COL23A1: variants seen among roughly 807,000 people sequenced by gnomAD.
COL23A1 encodes collagen type XXIII alpha 1 chain.
A neutral mutation model predicts 99.3 loss-of-function variants in COL23A1; 97 were observed. The ratio of observed to expected loss-of-function variants is 0.98; its 90% CI spans 0.83 to 1.16. COL23A1 has a LOEUF of 1.16. Ranked by LOEUF, COL23A1 falls within the 50% of genes most tolerant of loss-of-function variation. COL23A1 has a pLI of 0.00. For missense variants in COL23A1, 762 were observed against 757.4 expected (o/e 1.01, Z -0.07); for synonymous variants, 320 against 308.2 (o/e 1.04, Z -0.40).
At position 178,280,459 on chromosome 5, in the gene COL23A1, C is replaced by T. The variant is rs530023137; in HGVS notation, c.441+7865G>A. Among the ~76,000 whole-genome samples the T allele has an allele frequency of 2.0e-5, 3 of 152,190 alleles. No individual in the cohort carries two copies. The highest frequency in any genetic ancestry group is 2.0e-4 in the Admixed American group (3 of 15,290). ...TGCCTGAGGCCACATGGACTATAGACCCCTGGGCCCATTCTGTCTCCACTG... is the reference window on the plus strand; with the variant it reads ...TGCCTGAGGCCACATGGACTATAGATCCCTGGGCCCATTCTGTCTCCACTG... On this transcript the variant is annotated intron_variant, in intron 5 of 28. Coordinates refer to ENST00000390654, the MANE Select transcript of COL23A1 (RefSeq NM_173465.4). This position sits in a 1 kb window ranked among gnomAD's most constrained non-coding sequence, Gnocchi z 4.9.
chr5:178,445,976 T>C (rs1054012600), intron 2 of COL23A1, among the ~76,000 whole-genome samples: 1 of 152,118 alleles, frequency 6.6e-6, no homozygotes, highest in Admixed American at 6.5e-5. Flanking sequence ...AGAAAAAAGT[T>C]ACACAAATAA....
At chr5:178,275,837 C>T (rs1450912012) in intron 5 of COL23A1, among the ~76,000 whole-genome samples, 1 of 152,160 alleles carries the variant, frequency 6.6e-6, no homozygotes, top group Non-Finnish European at 1.5e-5. Context: ...CCGGTCCTGA[C>T]CGATCAATGA....
At chr5:178,470,377 T>A (rs911763026) in intron 2 of COL23A1, among the ~76,000 whole-genome samples, 4 of 152,128 alleles carry the variant, frequency 2.6e-5, no homozygotes, top group African/African-American at 9.7e-5. Context: ...AGCAGACCCC[T>A]GGAAACCCAC....
intron 2 of COL23A1, among the ~76,000 whole-genome samples, chr5:178,451,322 T>G (rs995760864): frequency 6.6e-6 from 1 of 152,082 alleles, no homozygotes; most frequent in African/African-American, 2.4e-5. Context: ...CCTAAGAGAA[T>G]AAGAAGCAAT....
intron 2 of COL23A1, among the ~76,000 whole-genome samples, chr5:178,508,574 A>C (rs1310391827): frequency 6.6e-6 from 1 of 152,126 alleles, no homozygotes; most frequent in Non-Finnish European, 1.5e-5. Flanking sequence ...CAGGTTCCCC[A>C]CTTGGTCTTT....
intron 2 of COL23A1, among the ~76,000 whole-genome samples, chr5:178,343,002 A>C (rs1048804050): frequency 2.0e-5 from 3 of 152,228 alleles, no homozygotes; most frequent in African/African-American, 7.2e-5. Flanking sequence ...CAGGGGAGGA[A>C]TAATGGTTTT....
At position 178,462,949 on chromosome 5, in the gene COL23A1, G is replaced by A. The variant is rs536806171; in HGVS notation, c.361+97733C>T. On this transcript the variant is annotated intron_variant, in intron 2 of 28. Coordinates refer to ENST00000390654, the MANE Select transcript of COL23A1 (RefSeq NM_173465.4). ...GGAGAGAAACAGGAAGGCGGCGTTT[G>A]CTCTTTATTTGGAATAATTAGCAAA... Among the ~76,000 whole-genome samples, 7 of 152,374 alleles carry A rather than the reference G, an allele frequency of 4.6e-5. No individual in the cohort carries two copies. The South Asian group carries it at 1.4e-3, about 32-fold the overall frequency.
chr5:178,450,284 A>G (rs1767411336), intron 2 of COL23A1, among the ~76,000 whole-genome samples: 1 of 152,180 alleles, frequency 6.6e-6, no homozygotes, highest in East Asian at 1.9e-4. Context: ...ATGGTAAGAA[A>G]AACGTTAGGA....
chr5:178,440,862 C>A (rs888743486), intron 2 of COL23A1, among the ~76,000 whole-genome samples: 1 of 152,080 alleles, frequency 6.6e-6, no homozygotes, highest in Non-Finnish European at 1.5e-5. Flanking sequence ...GGTGATCCAC[C>A]CTACTTGGCC....
chr5:178,508,443 A>G (rs1167145692), intron 2 of COL23A1, among the ~76,000 whole-genome samples: 1 of 152,238 alleles, frequency 6.6e-6, no homozygotes, highest in Middle Eastern at 3.4e-3. Flanking sequence ...AGACATTTTG[A>G]GTATTATAAA....
Position 178,307,302 on chromosome 5 carries a change from T to C in COL23A1, c.362-383A>G, listed in dbSNP as rs1216129971. ...TTAGGAGGAAAGTAAGGGTGGGTTA[T>C]CTTAGGAAAGCCCTGACAAACGCTG... On this transcript the variant is annotated intron_variant, in intron 2 of 28. Coordinates refer to ENST00000390654, the MANE Select transcript of COL23A1 (RefSeq NM_173465.4). The surrounding 1 kb of genome is among the most constrained non-coding windows in gnomAD (Gnocchi z 4.2). Among the ~76,000 whole-genome samples the C allele has an allele frequency of 1.3e-5, 2 of 152,214 alleles. No individual in the cohort carries two copies. Among genetic ancestry groups the C allele is most frequent in the African/African-American group, 4.8e-5 (2 of 41,450 alleles).
chr5:178,562,680 G>C (rs539395139), intron 1 of COL23A1: 2 of 150,830 alleles, frequency 1.3e-5, no homozygotes, highest in Non-Finnish European at 2.9e-5. Flanking sequence ...AAGAGCAAAA[G>C]AACAAAGCTC....
At position 178,393,465 on chromosome 5, in the gene COL23A1, G is replaced by A. The variant is rs150195145; in HGVS notation, c.362-86546C>T. Among the ~76,000 whole-genome samples, 34 of 152,176 alleles carry A rather than the reference G, an allele frequency of 2.2e-4. 2 individuals are homozygous for A. The South Asian group carries it at 5.4e-3, about 24-fold the overall frequency. ...GTTCTGATGATGGTTGCACAACAAC[G>A]TGAATATACTTAATGCCACTGAACT... On this transcript the variant is annotated intron_variant, in intron 2 of 28. Transcript: ENST00000390654.
At chr5:178,546,957 C>A (rs1244932980) in intron 2 of COL23A1, among the ~76,000 whole-genome samples, 1 of 152,146 alleles carries the variant, frequency 6.6e-6, no homozygotes, top group Non-Finnish European at 1.5e-5. Context: ...GGCTCCAGGG[C>A]AGAGAAGCCG....
rs766355806 is a variant in COL23A1, at chr5:178,590,213, C to T, written c.-16G>A. 6 of 1,209,952 alleles carry T rather than the reference C, an allele frequency of 5.0e-6. No individual in the cohort carries two copies. The East Asian group carries it at 1.4e-4, about 28-fold the overall frequency. 75.0% of individuals were successfully genotyped at this position (1,209,952 alleles called of 1,614,324 possible). ...CTGGGCCCATGGCGCGTTCGTCGCGCGTGGACTCTCCGAGGGGGCGGTGCT... is the reference window on the plus strand; with the variant it reads ...CTGGGCCCATGGCGCGTTCGTCGCGTGTGGACTCTCCGAGGGGGCGGTGCT... On this transcript the variant is annotated 5_prime_UTR_variant, in exon 1 of 29. Coordinates refer to ENST00000390654, the MANE Select transcript of COL23A1 (RefSeq NM_173465.4). This position sits in a 1 kb window ranked among gnomAD's most constrained non-coding sequence, Gnocchi z 5.7.
intron 5 of COL23A1, among the ~76,000 whole-genome samples, chr5:178,287,094 A>G (rs574686532): frequency 3.3e-5 from 5 of 152,336 alleles, no homozygotes; most frequent in East Asian, 1.9e-4. Flanking sequence ...TGGACGCCCA[A>G]AGGTCCGGGC....
At chr5:178,332,058 G>A (rs1760059227) in intron 2 of COL23A1, among the ~76,000 whole-genome samples, 1 of 152,170 alleles carries the variant, frequency 6.6e-6, no homozygotes, top group African/African-American at 2.4e-5. Flanking sequence ...GTGTGCTCAG[G>A]AGCCTTCTGG....
intron 5 of COL23A1, among the ~76,000 whole-genome samples, 164 bp downstream of exon 5, chr5:178,288,160 C>G (rs1330154328): frequency 6.6e-6 from 1 of 152,288 alleles, no homozygotes; most frequent in African/African-American, 2.4e-5. Context: ...ATCTGTGCAG[C>G]CTTTACCTCC....
intron 2 of COL23A1, among the ~76,000 whole-genome samples, chr5:178,551,326 T>A (rs1761994093): frequency 6.6e-6 from 1 of 151,974 alleles, no homozygotes; most frequent in African/African-American, 2.4e-5. Flanking sequence ...TCAAGATCTT[T>A]ATTTATAGGA....
Sources: gnomAD v4.1 joint callset for allele counts (sites outside exome capture counted in the v4.1 genomes callset) on GRCh38, gnomAD v4.1.1 for gene constraint, Gnocchi (gnomAD v3.1) non-coding constraint, MANE v1.5 for transcripts, NCBI Gene and HGNC (gene_info 2026-07-23, HGNC 2026-07-21) for gene names.